Variants in MCTP2 observed in about 807,000 individuals in gnomAD.
MCTP2 encodes multiple C2 and transmembrane domain-containing protein 2.
In MCTP2, 132 loss-of-function variants were observed where a neutral mutation model predicts 111.6. The ratio of observed to expected loss-of-function variants is 1.18; its 90% confidence interval spans 1.03 to 1.37. The LOEUF (loss-of-function observed/expected upper bound fraction) is 1.37, where lower values mean the gene tolerates loss of function less well. Ranked by LOEUF, MCTP2 falls within the 40% of genes most tolerant of loss-of-function variation. MCTP2 has a pLI of 0.00. For synonymous variants in MCTP2, 395 were observed against 387.7 expected (o/e 1.02, Z -0.22); for missense variants, 1,183 against 1,067.9 (o/e 1.11, Z -1.50).
intron 17 of MCTP2, among the ~76,000 whole-genome samples, chr15:94,419,119 A>G (rs912675858): frequency 5.3e-5 from 8 of 152,258 alleles, no homozygotes; most frequent in African/African-American, 1.9e-4. Flanking sequence ...AGAAACATAT[A>G]ATCGAGATGT....
At chr15:94,295,883 C>A (rs28605970) in intron 1 of MCTP2, among the ~76,000 whole-genome samples, 2,349 of 150,446 alleles carry the variant, frequency 0.016, 54 homozygotes, top group African/African-American at 0.053. Context: ...CCATTGCACT[C>A]CAGCCTGGGC....
intron 1 of MCTP2, among the ~76,000 whole-genome samples, chr15:94,296,331 A>C (rs956994765): frequency 6.6e-6 from 1 of 152,272 alleles, no homozygotes; most frequent in African/African-American, 2.4e-5. Flanking sequence ...CTGCAAAAAA[A>C]GTTGTAAACT....
At position 94,466,209 on chromosome 15, in the gene MCTP2, A is replaced by G. The variant is rs191600163; in HGVS notation, c.2361-4124A>G. On this transcript the variant is annotated intron_variant, in intron 20 of 22. Transcript: ENST00000357742. ...GATTTAATATATTGGATTAGATTTC[A>G]ATATCTGAAATCTTTTCTTTCAGAT... Among the ~76,000 whole-genome samples the G allele has an allele frequency of 6.6e-5, 10 of 152,288 alleles. No individual in the cohort carries two copies. The East Asian group carries it at 1.9e-3, about 29-fold the overall frequency.
intron 10 of MCTP2, among the ~76,000 whole-genome samples, chr15:94,363,697 C>A (rs182687383): frequency 1.3e-5 from 2 of 152,002 alleles, no homozygotes; most frequent in African/African-American, 4.8e-5. Context: ...TGATTTCCAT[C>A]GTGTAAATCT....
chr15:94,356,975 G>T (rs750679286), intron 9 of MCTP2, among the ~76,000 whole-genome samples: 12 of 152,012 alleles, frequency 7.9e-5, no homozygotes, highest in Non-Finnish European at 1.8e-4. Flanking sequence ...TGTCAGACAG[G>T]AATATTTCCT....
intron 12 of MCTP2, among the ~76,000 whole-genome samples, chr15:94,378,005 G>A (rs374119979): frequency 5.1e-4 from 78 of 152,194 alleles, no homozygotes; most frequent in African/African-American, 1.8e-3. Flanking sequence ...CATGTCTTAG[G>A]TGGGACTGGA....
chr15:94,475,093 T>G (rs1225467264), intron 21 of MCTP2, among the ~76,000 whole-genome samples: 1 of 152,234 alleles, frequency 6.6e-6, no homozygotes, highest in Admixed American at 6.5e-5. Context: ...TTTGTCTCCC[T>G]TCATCATTTT....
At chr15:94,348,968 C>T (rs919870788) in intron 8 of MCTP2, among the ~76,000 whole-genome samples, 4 of 152,012 alleles carry the variant, frequency 2.6e-5, no homozygotes, top group Non-Finnish European at 5.9e-5. Context: ...TGTACACCTA[C>T]CTCTATCTGC....
At chr15:94,373,649 T>A (rs548154110) in intron 12 of MCTP2, among the ~76,000 whole-genome samples, 1 of 152,330 alleles carries the variant, frequency 6.6e-6, no homozygotes, top group South Asian at 2.1e-4. Flanking sequence ...TCAAAGAATC[T>A]TAAGTAATCT....
At position 94,391,542 on chromosome 15, in the gene MCTP2, G is replaced by GT. The variant is rs1381074358; in HGVS notation, c.1788+6018dup. 8.5e-5 allele frequency among the ~76,000 whole-genome samples: 13 copies of GT among 152,166 alleles called. No individual in the cohort carries two copies. The East Asian group carries it at 2.5e-3, about 29-fold the overall frequency. On this transcript the variant is annotated intron_variant, in intron 14 of 22. Transcript: ENST00000357742. ...GCATAGGTGAAAAGGAGAGAGGGAT[G>GT]TATCACCTGGGAAATTATTTGATAA...
chr15:94,248,081 G>T (rs1193403828), intron 1 of MCTP2, among the ~76,000 whole-genome samples: 5 of 152,160 alleles, frequency 3.3e-5, no homozygotes, highest in Non-Finnish European at 7.4e-5. Flanking sequence ...ATGAGATTAT[G>T]ACATGGAGGT....
chr15:94,422,730 G>A (rs918256222), intron 17 of MCTP2, among the ~76,000 whole-genome samples: 6 of 152,128 alleles, frequency 3.9e-5, no homozygotes, highest in East Asian at 1.9e-4. Context: ...ATTGCCAGCC[G>A]TTGCTCTATG....
chr15:94,245,242 A>G (rs2071755255), intron 1 of MCTP2, among the ~76,000 whole-genome samples: 1 of 143,424 alleles, frequency 7.0e-6, no homozygotes, highest in Non-Finnish European at 1.5e-5. Context: ...GTATGTATAT[A>G]TACACATATG....
intron 1 of MCTP2, among the ~76,000 whole-genome samples, chr15:94,249,525 A>G (rs894677875): frequency 1.3e-5 from 2 of 149,438 alleles, no homozygotes; most frequent in Non-Finnish European, 3.0e-5. Context: ...TCACTCTGTC[A>G]CCCAGGCTGG....
chr15:94,272,740 C>T (rs199847510), intron 1 of MCTP2, among the ~76,000 whole-genome samples: 4 of 117,200 alleles, frequency 3.4e-5, no homozygotes, highest in Non-Finnish European at 7.6e-5. Flanking sequence ...ATTTTTTTTT[C>T]CCCTCTCTGG....
intron 1 of MCTP2, among the ~76,000 whole-genome samples, chr15:94,239,119 T>G (rs555849294): frequency 6.6e-6 from 1 of 152,026 alleles, no homozygotes; most frequent in Admixed American, 6.6e-5. Context: ...TTTTTTAAGG[T>G]GGTGGTTGGG....
intron 1 of MCTP2, among the ~76,000 whole-genome samples, chr15:94,289,538 T>C (rs763026665): frequency 2.2e-4 from 34 of 152,160 alleles, no homozygotes; most frequent in Non-Finnish European, 4.4e-4. Context: ...GAAATGCAAG[T>C]GAAAAATACA....
rs942965582 is a variant in MCTP2 at position 94,481,572 on chromosome 15, A to C, written c.*2538A>C. 1 of 152,236 alleles carries C rather than the reference A, an allele frequency of 6.6e-6. No homozygotes were observed. Among genetic ancestry groups the C allele is most frequent in the African/African-American group, 2.4e-5 (1 of 41,450 alleles). The allele number at this position is 152,236 out of a possible 1,614,324, so 9.4% of individuals were successfully genotyped here. A position where few individuals can be genotyped will look rare whatever the true frequency, so the allele number is the denominator to read the frequency against. ...ATTCAGACTGGAAGGACCTGCCCCC[A>C]GTTGTTTCTTTCTGAATAGATTCTA... On this transcript the variant is annotated 3_prime_UTR_variant, in exon 23 of 23. Transcript: ENST00000357742.
chr15:94,243,923 A>G (rs551273153), intron 1 of MCTP2, among the ~76,000 whole-genome samples: 116 of 113,236 alleles, frequency 1.0e-3, no homozygotes, highest in African/African-American at 3.7e-3. Flanking sequence ...GTATATATTT[A>G]CACATATGTG....
Sources: gnomAD v4.1 joint callset for allele counts (sites outside exome capture counted in the v4.1 genomes callset) on GRCh38, gnomAD v4.1.1 for gene constraint, MANE v1.5 for transcripts, NCBI Gene and HGNC (gene_info 2026-07-23, HGNC 2026-07-21) for gene names.